The following MED28 variants were observed in gnomAD, a reference collection of about 807,000 sequenced individuals.
The protein encoded by MED28 is mediator of RNA polymerase II transcription subunit 28.
A neutral mutation model predicts 21.3 loss-of-function variants in MED28; 26 were observed. The observed-to-expected ratio is 1.22, with a 90% CI of 0.89 to 1.69. The LOEUF is 1.69. MED28 is among the 40% of genes most tolerant of loss of function. The probability of loss-of-function intolerance (pLI) is 0.00; values close to 1 mark genes in which losing one functional copy is unlikely to be tolerated. For missense variants in MED28, 257 were observed against 215.4 expected (o/e 1.19, Z -1.21); for synonymous variants, 110 against 87.6 (o/e 1.26, Z -1.43).
chr4:17,622,178 G>GT (rs1560158009), intron 3 of MED28, among the ~76,000 whole-genome samples: 2 of 152,134 alleles, frequency 1.3e-5, no homozygotes, highest in African/African-American at 4.8e-5. Context: ...GTGTGTTGGG[G>GT]TTGCCACGAT....
At chr4:17,622,499 A>G (rs1438462980) in intron 3 of MED28, among the ~76,000 whole-genome samples, 1 of 152,232 alleles carries the variant, frequency 6.6e-6, no homozygotes. Flanking sequence ...AAAGGATGTA[A>G]TGCTGTTCTT....
rs965642087 is a variant in MED28 at position 17,631,856 on chromosome 4, G to A, written c.*8058G>A. The A allele has an allele frequency of 6.6e-6, 1 of 152,070 alleles. No individual in the cohort carries two copies. The highest frequency in any genetic ancestry group is 2.4e-5 in the African/African-American group (1 of 41,376). The allele number at this position is 152,070 out of a possible 1,614,324, so 9.4% of individuals were successfully genotyped here. ...CATTTTACATAGAAACAGCTTTCCA[G>A]TGGAGTTGACTAGCATCCTAAGGAC... is the stretch of plus-strand genomic sequence containing the variant. On this transcript the variant is annotated 3_prime_UTR_variant, in exon 4 of 4. Transcript: ENST00000237380.
intron 1 of MED28, 91 bp from the exon 2 acceptor site, chr4:17,619,810 G>T: frequency 1.8e-6 from 2 of 1,109,944 alleles, no homozygotes; most frequent in Non-Finnish European, 2.7e-6. Context: ...CACCTCATCA[G>T]ATGACTTCAG....
At chr4:17,614,875 G>A in intron 1 of MED28, 62 bp downstream of exon 1, 9 of 1,514,364 alleles carry the variant, frequency 5.9e-6, no homozygotes, top group Non-Finnish European at 5.3e-6. Context: ...CGTGAACTGC[G>A]CGTACGCGTA....
chr4:17,616,096 G>C (rs903749561), intron 1 of MED28, among the ~76,000 whole-genome samples: 1 of 152,060 alleles, frequency 6.6e-6, no homozygotes. Flanking sequence ...GAGTTGCTGG[G>C]ATTACAGGCA....
chr4:17,624,334 A>AT lies in MED28; in HGVS notation c.*543dup, dbSNP rs1277703316. 1.3e-5 allele frequency: 2 copies of AT among 157,788 alleles called. No individual in the cohort carries two copies. Among genetic ancestry groups the AT allele is most frequent in the South Asian group, 1.8e-4 (1 of 5,536 alleles). 9.8% of individuals were successfully genotyped at this position (157,788 alleles called of 1,614,324 possible). The stretch of plus-strand genomic sequence containing the variant: ...TGTTTCCAGAGCTCTCAGAATGAGG[A>AT]TTTTTTTGTAAATAGGTCAGAAGAC... On this transcript the variant is annotated 3_prime_UTR_variant, in exon 4 of 4. Transcript: ENST00000237380.
At chr4:17,617,543 G>GTGGCTTTCA (rs1323661227) in intron 1 of MED28, among the ~76,000 whole-genome samples, 33 of 152,344 alleles carry the variant, frequency 2.2e-4, no homozygotes, top group African/African-American at 6.3e-4. Flanking sequence ...CAGCCGTTGG[G>GTGGCTTTCA]TTTGTGGAAA....
In MED28 at chr4:17,630,214, T is replaced by TTGAAAGCACAAAATAAAGAGCAGTCCTAC. The variant is rs1199102916; in HGVS notation, c.*6417_*6445dup. The TTGAAAGCACAAAATAAAGAGCAGTCCTAC allele has an allele frequency of 1.6e-4, 25 of 152,166 alleles. No individual in the cohort carries two copies. Among genetic ancestry groups the TTGAAAGCACAAAATAAAGAGCAGTCCTAC allele is most frequent in the Non-Finnish European group, 2.6e-4 (18 of 68,020 alleles). The allele number at this position is 152,166 out of a possible 1,614,324, so 9.4% of individuals were successfully genotyped here. A position where few individuals can be genotyped will look rare whatever the true frequency, so the allele number is the denominator to read the frequency against. ...ATAGAACCACCTGTATGTAGTCTTT[T>TTGAAAGCACAAAATAAAGAGCAGTCCTAC]TGAAAGCACAAAATAAAGAGCAGTC... is the stretch of plus-strand genomic sequence containing the variant. On this transcript the variant is annotated 3_prime_UTR_variant, in exon 4 of 4. Coordinates refer to ENST00000237380, the MANE Select transcript of MED28 (RefSeq NM_025205.5).
Position 17,625,489 on chromosome 4 carries a change from G to A in MED28, c.*1691G>A, listed in dbSNP as rs1423395203. 3 of 289,310 alleles carry A rather than the reference G, an allele frequency of 1.0e-5. No homozygotes were observed. Among genetic ancestry groups the A allele is most frequent in the Non-Finnish European group, 2.0e-5 (3 of 147,992 alleles). 17.9% of individuals were successfully genotyped at this position (289,310 alleles called of 1,614,324 possible). ...CTAAAAACCTAAATAAACTGATTAG[G>A]TTTTAGGCGTTCTTTCAAAGAGGTT... On this transcript the variant is annotated 3_prime_UTR_variant, in exon 4 of 4. Coordinates refer to ENST00000237380, the MANE Select transcript of MED28 (RefSeq NM_025205.5).
chr4:17,618,107 G>A (rs983161299), intron 1 of MED28, among the ~76,000 whole-genome samples: 1 of 150,832 alleles, frequency 6.6e-6, no homozygotes, highest in Non-Finnish European at 1.5e-5. Context: ...CACTTCCTGG[G>A]CTCAAGTGGT....
chr4:17,633,357 T>C lies in MED28; in HGVS notation c.*9559T>C. 1 of 195,582 alleles carries C rather than the reference T, an allele frequency of 5.1e-6. No individual in the cohort carries two copies. The highest frequency in any genetic ancestry group is 1.8e-4 in the South Asian group (1 of 5,488). 12.1% of individuals were successfully genotyped at this position (195,582 alleles called of 1,614,324 possible). On this transcript the variant is annotated 3_prime_UTR_variant, in exon 4 of 4. Coordinates refer to ENST00000237380, the MANE Select transcript of MED28 (RefSeq NM_025205.5). ...ACATCCTATGGATTAATTCCTTTAGTCTCACGTCAGTCTGATGAGATAGGT... is the reference window on the plus strand; with the variant it reads ...ACATCCTATGGATTAATTCCTTTAGCCTCACGTCAGTCTGATGAGATAGGT...
rs1715045974 is a variant in MED28 at position 17,633,960 on chromosome 4, A to G, written c.*10162A>G. 7 of 1,193,330 alleles carry G rather than the reference A, an allele frequency of 5.9e-6. No individual in the cohort carries two copies. The highest frequency in any genetic ancestry group is 7.7e-6 in the Non-Finnish European group (7 of 904,114). The allele number at this position is 1,193,330 out of a possible 1,614,324, so 73.9% of individuals were successfully genotyped here. A position where few individuals can be genotyped will look rare whatever the true frequency, so the allele number is the denominator to read the frequency against. On this transcript the variant is annotated 3_prime_UTR_variant, in exon 4 of 4. Coordinates refer to ENST00000237380, the MANE Select transcript of MED28 (RefSeq NM_025205.5). ...AAATAAAGCATTATTGTAAAAGCAAATAATGCTCACCCAATCAAAATTGTA... is the reference window on the plus strand; with the variant it reads ...AAATAAAGCATTATTGTAAAAGCAAGTAATGCTCACCCAATCAAAATTGTA...
Position 17,625,342 on chromosome 4 carries a change from C to T in MED28, c.*1544C>T. 5.6e-6 allele frequency: 1 copy of T among 179,156 alleles called. No individual in the cohort carries two copies. Among genetic ancestry groups the T allele is most frequent in the Non-Finnish European group, 1.2e-5 (1 of 84,936 alleles). 11.1% of individuals were successfully genotyped at this position (179,156 alleles called of 1,614,324 possible). A position where few individuals can be genotyped will look rare whatever the true frequency, so the allele number is the denominator to read the frequency against. On this transcript the variant is annotated 3_prime_UTR_variant, in exon 4 of 4. Coordinates refer to ENST00000237380, the MANE Select transcript of MED28 (RefSeq NM_025205.5). The stretch of plus-strand genomic sequence containing the variant: ...TTACCAGCCTGACATCAACAAATCC[C>T]CTCAGTTACAACGTATAGGTTAAAC...
intron 3 of MED28, 126 bp downstream of exon 3, chr4:17,621,825 A>G (rs1032241838): frequency 8.8e-6 from 6 of 680,956 alleles, no homozygotes; most frequent in Admixed American, 3.3e-5. Flanking sequence ...GTCAGTGTGA[A>G]ATGTGGCTAG....
chr4:17,631,133 C>G lies in MED28; in HGVS notation c.*7335C>G, dbSNP rs1276806052. 2 of 152,174 alleles carry G rather than the reference C, an allele frequency of 1.3e-5. No individual in the cohort carries two copies. Among genetic ancestry groups the G allele is most frequent in the African/African-American group, 4.8e-5 (2 of 41,424 alleles). The allele number at this position is 152,174 out of a possible 1,614,324, so 9.4% of individuals were successfully genotyped here. ...CAGCCATTGCGGTTCCTTTAACCCA[C>G]TGGGAATTCATGCAGTGAAGAAGCA... On this transcript the variant is annotated 3_prime_UTR_variant, in exon 4 of 4. Coordinates refer to ENST00000237380, the MANE Select transcript of MED28 (RefSeq NM_025205.5).
chr4:17,624,977 T>C lies in MED28; in HGVS notation c.*1179T>C, dbSNP rs1269033960. The stretch of plus-strand genomic sequence containing the variant: ...TTTACCCAGAACAAATGCTTCACTG[T>C]CTTCTGATTGGCAGTACTCCTGTGG... On this transcript the variant is annotated 3_prime_UTR_variant, in exon 4 of 4. Transcript: ENST00000237380. 3 of 152,132 alleles carry C rather than the reference T, an allele frequency of 2.0e-5. No homozygotes were observed. Among genetic ancestry groups the C allele is most frequent in the Non-Finnish European group, 4.4e-5 (3 of 68,038 alleles). The allele number at this position is 152,132 out of a possible 1,614,324, so 9.4% of individuals were successfully genotyped here.
chr4:17,632,386 A>G lies in MED28; in HGVS notation c.*8588A>G. 3 of 602,578 alleles carry G rather than the reference A, an allele frequency of 5.0e-6. No individual in the cohort carries two copies. The highest frequency in any genetic ancestry group is 8.5e-6 in the Non-Finnish European group (3 of 351,110). The allele number at this position is 602,578 out of a possible 1,614,324, so 37.3% of individuals were successfully genotyped here. On this transcript the variant is annotated 3_prime_UTR_variant, in exon 4 of 4. Transcript: ENST00000237380. Reference sequence around the variant, plus strand: ...TGCTGTGCCTGGCAGAACAGTATGAAGTGTTAACGCCAAAATTTGTTTTAG... The same window carrying G: ...TGCTGTGCCTGGCAGAACAGTATGAGGTGTTAACGCCAAAATTTGTTTTAG...
intron 1 of MED28, 116 bp downstream of exon 1, chr4:17,614,929 T>C: frequency 7.8e-7 from 1 of 1,284,270 alleles, no homozygotes; most frequent in Non-Finnish European, 1.1e-6. Flanking sequence ...ATGGGGAAAC[T>C]GAGGCTTAAA....
rs1028470825 is a variant in MED28 at position 17,629,941 on chromosome 4, C to G, written c.*6143C>G. On this transcript the variant is annotated 3_prime_UTR_variant, in exon 4 of 4. Transcript: ENST00000237380. ...GTCCTTAAATGCCTTACTTCAATAC[C>G]CAAGGCATATGGCCTCAATAAAAAA... is the stretch of plus-strand genomic sequence containing the variant. 4 of 152,098 alleles carry G rather than the reference C, an allele frequency of 2.6e-5. No individual in the cohort carries two copies. Among genetic ancestry groups the G allele is most frequent in the Admixed American group, 2.6e-4 (4 of 15,268 alleles). 9.4% of individuals were successfully genotyped at this position (152,098 alleles called of 1,614,324 possible). A position where few individuals can be genotyped will look rare whatever the true frequency, so the allele number is the denominator to read the frequency against.
Sources: allele counts gnomAD v4.1 joint callset (sites outside exome capture counted in the v4.1 genomes callset), GRCh38; gene constraint gnomAD v4.1.1; transcripts MANE v1.5; gene names NCBI Gene and HGNC (gene_info 2026-07-23, HGNC 2026-07-21).